Variants in AGAP6 observed in about 807,000 individuals in gnomAD.
AGAP6 encodes ArfGAP with GTPase domain, ankyrin repeat and PH domain 6.
Under a neutral mutation model 63.9 loss-of-function variants are expected in AGAP6, and 29 were observed. The observed-to-expected ratio is 0.45, with a 90% CI of 0.34 to 0.62. The LOEUF is 0.62. AGAP6 is among the 20% of genes least tolerant of loss of function. AGAP6 has a pLI of 0.01. For synonymous variants in AGAP6, 199 were observed against 332.9 expected (o/e 0.60, Z 4.38); for missense variants, 493 against 884.9 (o/e 0.56, Z 5.62).
At chr10:49,999,096 G>C (rs1841599993) in intron 4 of AGAP6, among the ~76,000 whole-genome samples, 1 of 136,504 alleles carries the variant, frequency 7.3e-6, no homozygotes, top group Non-Finnish European at 1.5e-5. Context: ...AAGTTAGCCG[G>C]GTGTGGTGGC....
rs782383117 is a variant in AGAP6, at chr10:50,009,739, C to G, written c.1614C>G (p.Asp538Glu). The G allele has an allele frequency of 2.1e-5, 34 of 1,613,974 alleles. 1 individual carries two copies. In the South Asian group the frequency reaches 2.5e-4, roughly 12 times the overall value. ...AGGTTATGTCATCTATTGTCAATGA[C>G]CTAGCCAACAGCATCTGGGAAGGGA... ...LRKVMSSIVN[D>E]LANSIWEGSS... is the part of the protein sequence containing the mutation. Residue 538 changes from aspartate (D) to glutamate (E), a missense_variant, in exon 8 of 8, where the codon GAC (aspartate) becomes GAG (glutamate). By Grantham distance (45) the Asp-to-Glu change is conservative. This residue lies in a region of AGAP6 where 87 missense variants were observed against 92.9 expected (regional missense o/e 0.94). Transcript: ENST00000412531.
rs781820606 is a variant in AGAP6, at chr10:50,008,706, C to T, written c.586-5C>T. ...TGAAGCCATTCCTCCTCCTGTTCCA[C>T]ACAGGTTTCCACCGTGCACATTATG... On this transcript the variant is annotated splice_region_variant and splice_polypyrimidine_tract_variant and intron_variant, in intron 7 of 7. Transcript: ENST00000412531. The T allele has an allele frequency of 2.6e-5, 42 of 1,614,056 alleles. No homozygotes were observed. The highest frequency in any genetic ancestry group is 3.5e-5 in the Non-Finnish European group (41 of 1,180,054).
At chr10:50,005,525 C>T (rs1485666094) in intron 6 of AGAP6, among the ~76,000 whole-genome samples, 3 of 150,720 alleles carry the variant, frequency 2.0e-5, no homozygotes, top group East Asian at 1.9e-4. Context: ...GCAGGAGAAC[C>T]GCTTGAACTT....
chr10:50,008,237 G>A (rs539450812), intron 7 of AGAP6, among the ~76,000 whole-genome samples, 161 bp downstream of exon 7: 257 of 151,126 alleles, frequency 1.7e-3, no homozygotes, highest in African/African-American at 3.8e-3. Context: ...CTGATCTGCA[G>A]CTCTGTTTAG....
At position 50,002,086 on chromosome 10, in the gene AGAP6, A is replaced by T; in HGVS notation, c.487A>T (p.Thr163Ser). ...STAIQHYLTMTIISVTLEIPH... is the reference protein window; with the variant it reads ...STAIQHYLTMSIISVTLEIPH... ...AGCCATCCAGCATTATCTTACAATG[A>T]CAATAATATCGTGAGTACAACTATG... is the stretch of plus-strand genomic sequence containing the variant. Residue 163 changes from threonine (T) to serine (S), a missense_variant, in exon 5 of 8, where the codon ACA becomes TCA. Physicochemically the swap from Thr to Ser is moderately conservative, Grantham distance 58 (BLOSUM62 1). Coordinates refer to ENST00000412531, the MANE Select transcript of AGAP6 (RefSeq NM_001077665.3). 1 of 1,608,208 alleles carries T rather than the reference A, an allele frequency of 6.2e-7. No homozygotes were observed. Among genetic ancestry groups the T allele is most frequent in the Non-Finnish European group, 8.5e-7 (1 of 1,179,204 alleles).
At chr10:50,005,986 A>G (rs1485694425) in intron 6 of AGAP6, among the ~76,000 whole-genome samples, 1 of 150,714 alleles carries the variant, frequency 6.6e-6, no homozygotes, top group African/African-American at 2.4e-5. Flanking sequence ...TAGAAGGTGT[A>G]TTTTTAAAGT....
chr10:50,008,084 G>A lies in AGAP6; in HGVS notation c.585+8G>A, dbSNP rs1841976912. 2 of 1,611,860 alleles carry A rather than the reference G, an allele frequency of 1.2e-6. No homozygotes were observed. Among genetic ancestry groups the A allele is most frequent in the African/African-American group, 2.7e-5 (2 of 74,948 alleles). On this transcript the variant is annotated splice_region_variant and intron_variant, in intron 7 of 7. Coordinates refer to ENST00000412531, the MANE Select transcript of AGAP6 (RefSeq NM_001077665.3). ...CAGTTACACTCATTTGCGGTAAGTG[G>A]CACTTTTATTGAGGTTGTATTTTCA...
intron 6 of AGAP6, among the ~76,000 whole-genome samples, chr10:50,004,965 A>AT (rs1225131151): frequency 6.6e-6 from 1 of 152,136 alleles, no homozygotes; most frequent in Non-Finnish European, 1.5e-5. Flanking sequence ...TACAGTTGAA[A>AT]TTTTTTCAAA....
rs529224503 is a variant in AGAP6 at position 50,002,055 on chromosome 10, C to T, written c.456C>T (p.Asp152=). The change falls in exon 5 of 8, where the codon GAC becomes GAT. Residue 152 remains aspartate (D), a synonymous_variant. Coordinates refer to ENST00000412531, the MANE Select transcript of AGAP6 (RefSeq NM_001077665.3). ...YSLCSTIFLD[D]STAIQHYLTM... ...TGTGTTCGACAATATTCCTTGATGA[C>T]AGCACAGCCATCCAGCATTATCTTA... 584 of 1,611,914 alleles carry T rather than the reference C, an allele frequency of 3.6e-4. 7 individuals are homozygous for T. The African/African-American group carries it at 7.1e-3, about 20-fold the overall frequency.
intron 2 of AGAP6, among the ~76,000 whole-genome samples, chr10:49,991,067 A>G (rs1326689518): frequency 7.2e-5 from 11 of 152,214 alleles, no homozygotes; most frequent in Middle Eastern, 3.4e-3. Flanking sequence ...CAGTTTATGT[A>G]TGTCTCACTT....
rs1412985311 is a variant in AGAP6 at position 50,010,495 on chromosome 10, A to G, written c.*309A>G. ...TTTGAAATAAAGTTCATAAATATGC[A>G]TTGATTTTTGTACACATGGCACCTC... On this transcript the variant is annotated 3_prime_UTR_variant, in exon 8 of 8. Transcript: ENST00000412531. 8 of 612,358 alleles carry G rather than the reference A, an allele frequency of 1.3e-5. No individual in the cohort carries two copies. The highest frequency in any genetic ancestry group is 2.2e-5 in the Non-Finnish European group (8 of 365,926). 37.9% of individuals were successfully genotyped at this position (612,358 alleles called of 1,614,324 possible).
chr10:49,990,798 A>T (rs1276944325), intron 2 of AGAP6, among the ~76,000 whole-genome samples: 1 of 152,228 alleles, frequency 6.6e-6, no homozygotes. Flanking sequence ...AAGACTCATT[A>T]TGAGTGTGAC....
At chr10:49,989,407 T>C (rs1341465485) in intron 2 of AGAP6, 31 bp downstream of exon 2, 63 of 1,597,304 alleles carry the variant, frequency 3.9e-5, no homozygotes, top group Non-Finnish European at 5.2e-5. Flanking sequence ...GCTCTATTTA[T>C]TATCCTGTGG....
intron 4 of AGAP6, among the ~76,000 whole-genome samples, chr10:49,996,992 G>A (rs1424238541): frequency 2.8e-5 from 4 of 144,430 alleles, no homozygotes; most frequent in Admixed American, 2.1e-4. Flanking sequence ...TATGACTGAT[G>A]AGGCTTCCGG....
At chr10:49,992,628 T>C (rs1228998515) in intron 3 of AGAP6, among the ~76,000 whole-genome samples, 1 of 152,200 alleles carries the variant, frequency 6.6e-6, no homozygotes, top group African/African-American at 2.4e-5. Context: ...TTTCAGGCTG[T>C]ACAAACATGG....
Position 50,008,020 on chromosome 10 carries a change from T to G in AGAP6, c.534-5T>G. ...TTTGAAGTAATGCGCTTTCTTATTT[T>G]ATAGAGATGCAGATAGAACTTTGAG... is the stretch of plus-strand genomic sequence containing the variant. On this transcript the variant is annotated splice_polypyrimidine_tract_variant and splice_region_variant and intron_variant, in intron 6 of 7. Coordinates refer to ENST00000412531, the MANE Select transcript of AGAP6 (RefSeq NM_001077665.3). The G allele has an allele frequency of 6.2e-7, 1 of 1,611,914 alleles. No homozygotes were observed. Among genetic ancestry groups the G allele is most frequent in the Non-Finnish European group, 8.5e-7 (1 of 1,179,832 alleles).
chr10:49,989,463 A>G, intron 2 of AGAP6, 87 bp downstream of exon 2: 1 of 1,578,714 alleles, frequency 6.3e-7, no homozygotes, highest in Non-Finnish European at 8.6e-7. Context: ...TTTTCTCAGT[A>G]AAAACTCAAA....
At chr10:50,005,412 C>G (rs1394254284) in intron 6 of AGAP6, among the ~76,000 whole-genome samples, 1 of 151,842 alleles carries the variant, frequency 6.6e-6, no homozygotes, top group Non-Finnish European at 1.5e-5. Flanking sequence ...GAGATCGAGA[C>G]CATCCTGGCT....
rs1842034762 is a variant in AGAP6, at chr10:50,009,593, G to A, written c.1468G>A (p.Ala490Thr). The A allele has an allele frequency of 6.2e-7, 1 of 1,614,094 alleles. No individual in the cohort carries two copies. The highest frequency in any genetic ancestry group is 8.5e-7 in the Non-Finnish European group (1 of 1,179,986). ...VDCETQNPKWASLNLGVLMCI... is the reference protein window; with the variant it reads ...VDCETQNPKWTSLNLGVLMCI... The stretch of plus-strand genomic sequence containing the variant: ...CTGTGAGACCCAGAATCCTAAGTGG[G>A]CCAGTTTGAACTTGGGAGTCCTCAT... Residue 490 changes from alanine to threonine, a missense_variant, in exon 8 of 8, where the codon GCC becomes ACC. Physicochemically the swap from Ala to Thr is moderately conservative, Grantham distance 58 (BLOSUM62 0). Transcript: ENST00000412531.
Sources: gnomAD v4.1 joint callset for allele counts (sites outside exome capture counted in the v4.1 genomes callset) on GRCh38, gnomAD v4.1.1 for gene constraint, gnomAD v4.1.1 regional missense constraint, MANE v1.5 for transcripts, NCBI Gene and HGNC (gene_info 2026-07-23, HGNC 2026-07-21) for gene names.